The following TCF7L2 variants were observed in gnomAD, a reference collection of about 807,000 sequenced individuals.
TCF7L2 encodes the protein transcription factor 7-like 2.
In TCF7L2, 23 loss-of-function variants were observed where a neutral mutation model predicts 77.9. That is an observed-to-expected ratio of 0.30 (90% confidence interval 0.21 to 0.42). The LOEUF (loss-of-function observed/expected upper bound fraction) is 0.42. TCF7L2 is among the 10% of genes least tolerant of loss of function. The pLI, the probability that TCF7L2 is intolerant of heterozygous loss-of-function variation, is 1.00. For missense variants in TCF7L2, 654 were observed against 793.1 expected, an observed-to-expected ratio of 0.82 and a Z score of 2.11; for synonymous variants, 413 against 340.2, an observed-to-expected ratio of 1.21 and a Z score of -2.36.
At chr10:113,139,443 G>GC (rs2067948144) in intron 5 of TCF7L2, among the ~76,000 whole-genome samples, 1 of 152,172 alleles carries the variant, frequency 6.6e-6, no homozygotes, top group African/African-American at 2.4e-5. Context: ...GCCATGGCCT[G>GC]CCCCGCCCTT....
At chr10:113,116,005 C>A (rs2063686769) in intron 5 of TCF7L2, among the ~76,000 whole-genome samples, 1 of 152,110 alleles carries the variant, frequency 6.6e-6, no homozygotes, top group African/African-American at 2.4e-5. Flanking sequence ...ATTTGAGGAA[C>A]TTCAATCCTA....
chr10:113,028,697 TTTG>T (rs2049656596), intron 4 of TCF7L2, among the ~76,000 whole-genome samples: 1 of 152,158 alleles, frequency 6.6e-6, no homozygotes, highest in African/African-American at 2.4e-5. Flanking sequence ...TTCGTTGTCT[TTTG>T]TTGTTGTGGA....
chr10:113,024,264 C>T (rs2048736126), intron 4 of TCF7L2, among the ~76,000 whole-genome samples: 1 of 152,060 alleles, frequency 6.6e-6, no homozygotes, highest in African/African-American at 2.4e-5. Context: ...TGCCACTGCA[C>T]TCCATCCAGC....
At chr10:113,044,699 T>G (rs2053114708) in intron 5 of TCF7L2, among the ~76,000 whole-genome samples, 1 of 152,110 alleles carries the variant, frequency 6.6e-6, no homozygotes, top group Non-Finnish European at 1.5e-5. Context: ...TCTGAAGGCT[T>G]GATTGGGGTT....
intron 5 of TCF7L2, among the ~76,000 whole-genome samples, chr10:113,108,227 C>T (rs1412252039): frequency 1.3e-5 from 2 of 152,160 alleles, no homozygotes; most frequent in African/African-American, 2.4e-5. Flanking sequence ...CCCCCCCACC[C>T]CACCAGGCAA....
In TCF7L2 at chr10:113,165,619, G is replaced by A. The variant is rs747779097; in HGVS notation, c.1456G>A (p.Asp486Asn). ...CAGCTGCCTCAGCCCACCCTCTTCAGATGGAAGCTTACTAGATTCGCCTCC... is the reference window on the plus strand; with the variant it reads ...CAGCTGCCTCAGCCCACCCTCTTCAAATGGAAGCTTACTAGATTCGCCTCC... The change falls in exon 14 of 14, where the codon GAT becomes AAT. Residue 486 changes from aspartate to asparagine, a missense_variant. By Grantham distance (23) the Asp-to-Asn change is conservative. Coordinates refer to ENST00000627217, the MANE Select transcript of TCF7L2 (RefSeq NM_001146274.2). 1.2e-6 allele frequency: 2 copies of A among 1,613,964 alleles called. No individual in the cohort carries two copies. Among genetic ancestry groups the A allele is most frequent in the South Asian group, 2.2e-5 (2 of 91,072 alleles).
chr10:113,149,785 A>G (rs2070348706), intron 8 of TCF7L2, among the ~76,000 whole-genome samples: 1 of 152,156 alleles, frequency 6.6e-6, no homozygotes, highest in South Asian at 2.1e-4. Context: ...AACAGTTGCC[A>G]TGATCTTCAT....
At chr10:113,138,395 G>A (rs2067756074) in intron 5 of TCF7L2, among the ~76,000 whole-genome samples, 1 of 152,076 alleles carries the variant, frequency 6.6e-6, no homozygotes, top group Non-Finnish European at 1.5e-5. Flanking sequence ...GCCTTCATAT[G>A]TATATCTAAG....
At chr10:113,157,380 A>C (rs965621331) in intron 11 of TCF7L2, among the ~76,000 whole-genome samples, 1 of 152,310 alleles carries the variant, frequency 6.6e-6, no homozygotes, top group East Asian at 1.9e-4. Flanking sequence ...CGCCCCTCAG[A>C]GTGCCAGGAT....
chr10:113,141,360 G>A (rs2068339376), intron 6 of TCF7L2, 44 bp downstream of exon 6: 7 of 1,612,868 alleles, frequency 4.3e-6, no homozygotes, highest in Non-Finnish European at 5.9e-6. Context: ...CTGGTCCTGG[G>A]GTTCTGGGGG....
At chr10:112,970,402 C>G (rs1458917878) in intron 4 of TCF7L2, among the ~76,000 whole-genome samples, 1 of 151,708 alleles carries the variant, frequency 6.6e-6, no homozygotes, top group Non-Finnish European at 1.5e-5. Flanking sequence ...GTAAGGCCAC[C>G]AGGACCCTCC....
intron 5 of TCF7L2, among the ~76,000 whole-genome samples, chr10:113,101,687 C>T (rs1375514850): frequency 1.3e-5 from 2 of 150,286 alleles, no homozygotes; most frequent in African/African-American, 4.9e-5. Flanking sequence ...CTAAAAAATA[C>T]AAAAAATTAG....
At chr10:113,161,629 G>A (rs146406226) in intron 13 of TCF7L2, 7 of 1,535,820 alleles carry the variant, frequency 4.6e-6, no homozygotes, top group Middle Eastern at 1.7e-4. Flanking sequence ...CCCTAAACAC[G>A]CTTCCCTGTT....
chr10:113,005,066 G>A (rs550470984), intron 4 of TCF7L2, among the ~76,000 whole-genome samples: 1 of 152,304 alleles, frequency 6.6e-6, no homozygotes, highest in Non-Finnish European at 1.5e-5. Flanking sequence ...GAAGGGGGAG[G>A]CTTTTGTTTT....
rs747465364 is a variant in TCF7L2, at chr10:113,153,405, C to T, written c.1269+965C>T. 5.9e-5 allele frequency among the ~76,000 whole-genome samples: 9 copies of T among 152,234 alleles called. No individual in the cohort carries two copies. In the South Asian group the frequency reaches 6.2e-4, roughly 11 times the overall value. On this transcript the variant is annotated intron_variant, in intron 11 of 13. Coordinates refer to ENST00000627217, the MANE Select transcript of TCF7L2 (RefSeq NM_001146274.2). ...GGAACACCAAAACTTGTCTTAAGGC[C>T]GGCACAGGCCTCTCATCCCCTTCCT...
At chr10:113,157,372 C>A (rs1253515333) in intron 11 of TCF7L2, among the ~76,000 whole-genome samples, 1 of 152,220 alleles carries the variant, frequency 6.6e-6, no homozygotes. Context: ...CCCACCTCCG[C>A]CCCTCAGAGT....
In TCF7L2 at chr10:113,160,671, T is replaced by C. The variant is rs1404391688; in HGVS notation, c.1371T>C (p.Thr457=). ...CACTGTTCGGGCTTGACCGACAGAC[T>C]TTATGGTGCAAACCGTGCAGGTATA... Residue 457 remains threonine, a synonymous_variant, in exon 13 of 14, where the codon ACT becomes ACC. Coordinates refer to ENST00000627217, the MANE Select transcript of TCF7L2 (RefSeq NM_001146274.2). 1.3e-5 allele frequency: 20 copies of C among 1,595,704 alleles called. No homozygotes were observed. Among genetic ancestry groups the C allele is most frequent in the Non-Finnish European group, 1.6e-5 (19 of 1,170,792 alleles).
At chr10:113,063,949 C>T (rs898514049) in intron 5 of TCF7L2, among the ~76,000 whole-genome samples, 32 of 149,762 alleles carry the variant, frequency 2.1e-4, no homozygotes, top group African/African-American at 7.1e-4. Flanking sequence ...GATGATGTGT[C>T]GTCATCCAAG....
intron 4 of TCF7L2, among the ~76,000 whole-genome samples, chr10:112,997,018 G>A (rs113327210): frequency 2.5e-3 from 382 of 152,334 alleles, no homozygotes; most frequent in African/African-American, 8.7e-3. Flanking sequence ...AGTGGTTCCA[G>A]GGAATTAACA....
Sources: allele counts gnomAD v4.1 joint callset (sites outside exome capture counted in the v4.1 genomes callset), GRCh38; gene constraint gnomAD v4.1.1; transcripts MANE v1.5; gene names NCBI Gene and HGNC (gene_info 2026-07-23, HGNC 2026-07-21).